SPAG16: variants seen among roughly 807,000 people sequenced by gnomAD.
SPAG16 encodes sperm-associated antigen 16 protein.
SPAG16 carries 86 observed loss-of-function variants against 80.4 expected under a neutral mutation model. The observed-to-expected ratio is 1.07, with a 90% CI of 0.90 to 1.28. The LOEUF is 1.28. SPAG16 is among the 50% of genes most tolerant of loss of function. The pLI is 0.00. For synonymous variants in SPAG16, 294 were observed against 265.9 expected, an observed-to-expected ratio of 1.11 and a Z score of -1.03; for missense variants, 870 against 765.3, an observed-to-expected ratio of 1.14 and a Z score of -1.61.
chr2:214,336,685 G>A lies in SPAG16; in HGVS notation c.1721-73455G>A, dbSNP rs112047561. 8.2e-3 allele frequency among the ~76,000 whole-genome samples: 1,249 copies of A among 151,948 alleles called. 14 individuals carry two copies. Among genetic ancestry groups the A allele is most frequent in the Middle Eastern group, 0.021 (6 of 292 alleles). ...TATTCAATATTAGAAATATTGAGCC[G>A]GATAAAGGCTGAGGTGAGAGTTACA... On this transcript the variant is annotated intron_variant, in intron 15 of 15. Coordinates refer to ENST00000331683, the MANE Select transcript of SPAG16 (RefSeq NM_024532.5).
At position 214,009,622 on chromosome 2, in the gene SPAG16, G is replaced by A. The variant is rs767098358; in HGVS notation, c.1401-4329G>A. On this transcript the variant is annotated intron_variant, in intron 12 of 15. Transcript: ENST00000331683. Reference sequence around the variant, plus strand: ...AGAATGAGGGTCGTGAGGGAGGCAGGCTCATTGAGAGTTAAAATAGAGCCT... The same window carrying A: ...AGAATGAGGGTCGTGAGGGAGGCAGACTCATTGAGAGTTAAAATAGAGCCT... 7.9e-5 allele frequency among the ~76,000 whole-genome samples: 12 copies of A among 152,262 alleles called. No homozygotes were observed. In the Middle Eastern group the frequency reaches 0.01, roughly 129 times the overall value.
chr2:214,335,125 G>T (rs1456031592), intron 15 of SPAG16, among the ~76,000 whole-genome samples: 1 of 152,112 alleles, frequency 6.6e-6, no homozygotes, highest in East Asian at 1.9e-4. Context: ...AGCTGCGGTG[G>T]CCCTTCATAA....
intron 10 of SPAG16, among the ~76,000 whole-genome samples, chr2:213,610,583 C>G (rs1434690932): frequency 6.6e-6 from 1 of 152,014 alleles, no homozygotes; most frequent in Non-Finnish European, 1.5e-5. Flanking sequence ...CAATCCAGAC[C>G]CCAAAAGAGA....
chr2:214,150,633 C>A (rs1407705410), intron 15 of SPAG16, among the ~76,000 whole-genome samples: 1 of 151,958 alleles, frequency 6.6e-6, no homozygotes, highest in Non-Finnish European at 1.5e-5. Flanking sequence ...AGCTAGCATT[C>A]AAGTATTCAT....
At chr2:213,901,037 T>C (rs2106122911) in intron 11 of SPAG16, among the ~76,000 whole-genome samples, 1 of 152,314 alleles carries the variant, frequency 6.6e-6, no homozygotes, top group Non-Finnish European at 1.5e-5. Context: ...CAAAGAAATT[T>C]AGAAGGCTTG....
intron 10 of SPAG16, among the ~76,000 whole-genome samples, chr2:213,498,625 A>G (rs146621610): frequency 6.6e-6 from 1 of 152,226 alleles, no homozygotes; most frequent in African/African-American, 2.4e-5. Context: ...GAAATAGGAC[A>G]TTTCAACTTG....
At chr2:214,213,094 C>T (rs1227885776) in intron 15 of SPAG16, among the ~76,000 whole-genome samples, 1 of 152,236 alleles carries the variant, frequency 6.6e-6, no homozygotes, top group Non-Finnish European at 1.5e-5. Context: ...CCTTCTTGTC[C>T]TTTCCCTTAC....
Position 213,406,462 on chromosome 2 carries a change from TATTTAACCATACATTAAGTTGTA to T in SPAG16, c.942+31348_942+31370del, listed in dbSNP as rs990343027. 1.7e-4 allele frequency among the ~76,000 whole-genome samples: 26 copies of T among 152,352 alleles called. 1 individual carries two copies. Among genetic ancestry groups the T allele is most frequent in the African/African-American group, 6.3e-4 (26 of 41,592 alleles). On this transcript the variant is annotated intron_variant, in intron 9 of 15. Transcript: ENST00000331683. The stretch of plus-strand genomic sequence containing the variant: ...GAGAGCCAAGGTGATGTCATTATTT[TATTTAACCATACATTAAGTTGTA>T]ATTTTTATTTATGTGATTTATGAAA...
intron 10 of SPAG16, among the ~76,000 whole-genome samples, chr2:213,792,415 T>G (rs2070754497): frequency 6.6e-6 from 1 of 152,132 alleles, no homozygotes; most frequent in African/African-American, 2.4e-5. Flanking sequence ...AACTTACATT[T>G]GCCTCACACT....
intron 10 of SPAG16, among the ~76,000 whole-genome samples, chr2:213,524,440 C>T (rs991111837): frequency 6.6e-6 from 1 of 152,168 alleles, no homozygotes; most frequent in East Asian, 1.9e-4. Context: ...CCACCATCCT[C>T]TAGACTGCAG....
chr2:213,977,023 C>A (rs902748760), intron 12 of SPAG16, among the ~76,000 whole-genome samples: 2 of 151,958 alleles, frequency 1.3e-5, no homozygotes, highest in African/African-American at 4.8e-5. Flanking sequence ...GTTACAGTAG[C>A]AATGGAAATT....
intron 9 of SPAG16, among the ~76,000 whole-genome samples, chr2:213,440,687 C>G (rs1030321027): frequency 6.6e-6 from 1 of 152,084 alleles, no homozygotes; most frequent in Non-Finnish European, 1.5e-5. Context: ...AATAACAGTA[C>G]TTTTAATAAA....
chr2:213,468,459 ATC>A (rs571172059), intron 9 of SPAG16, among the ~76,000 whole-genome samples: 223 of 120,394 alleles, frequency 1.9e-3, no homozygotes, highest in African/African-American at 7.0e-3. Flanking sequence ...AGATATATAT[ATC>A]TCTATGTATT....
intron 15 of SPAG16, among the ~76,000 whole-genome samples, chr2:214,277,661 T>C (rs985356057): frequency 6.6e-6 from 1 of 152,222 alleles, no homozygotes; most frequent in African/African-American, 2.4e-5. Context: ...TATTGCTGCC[T>C]TATCCTTCTT....
chr2:213,853,195 A>G (rs1318988317), intron 10 of SPAG16, among the ~76,000 whole-genome samples: 1 of 152,230 alleles, frequency 6.6e-6, no homozygotes, highest in East Asian at 1.9e-4. Context: ...AGGGAAGACA[A>G]GGGTATCTAA....
At chr2:213,367,350 T>G (rs375631167) in intron 8 of SPAG16, among the ~76,000 whole-genome samples, 1 of 152,118 alleles carries the variant, frequency 6.6e-6, no homozygotes, top group East Asian at 1.9e-4. Flanking sequence ...TCAAGATCTT[T>G]GAGGAATTGC....
chr2:213,828,442 T>C (rs1184596924), intron 10 of SPAG16, among the ~76,000 whole-genome samples: 1 of 152,206 alleles, frequency 6.6e-6, no homozygotes, highest in Non-Finnish European at 1.5e-5. Context: ...TTATTTTAAA[T>C]TTCTTGAGTT....
In SPAG16 at chr2:213,862,729, G is replaced by T. The variant is rs2075528003; in HGVS notation, c.1214+101G>T. ...TGTCTTTGATGATGTTTTTCTTTCT[G>T]CAACAACACACCCTGCACTGAATTT... On this transcript the variant is annotated intron_variant, in intron 11 of 15. Coordinates refer to ENST00000331683, the MANE Select transcript of SPAG16 (RefSeq NM_024532.5). 10 of 1,302,212 alleles carry T rather than the reference G, an allele frequency of 7.7e-6. No homozygotes were observed. The South Asian group carries it at 1.3e-4, about 17-fold the overall frequency. 80.7% of individuals were successfully genotyped at this position (1,302,212 alleles called of 1,614,324 possible).
intron 15 of SPAG16, among the ~76,000 whole-genome samples, chr2:214,391,056 C>A (rs531627822): frequency 5.3e-5 from 8 of 152,166 alleles, no homozygotes; most frequent in African/African-American, 1.9e-4. Context: ...ACTATTACTA[C>A]ACCAGAGATC....
Sources: allele counts gnomAD v4.1 joint callset (sites outside exome capture counted in the v4.1 genomes callset), GRCh38; gene constraint gnomAD v4.1.1; transcripts MANE v1.5; gene names NCBI Gene and HGNC (gene_info 2026-07-23, HGNC 2026-07-21).